Variants in CLUH observed in about 807,000 individuals in gnomAD.
CLUH encodes the protein CLUH binding protein of NUMT mRNA.
CLUH carries 77 observed loss-of-function variants against 139.3 expected under a neutral mutation model. The ratio of observed to expected loss-of-function variants is 0.55; its 90% CI spans 0.46 to 0.67. The LOEUF (loss-of-function observed/expected upper bound fraction) is 0.67. CLUH is among the 30% of genes least tolerant of loss of function. CLUH has a pLI of 0.00. For synonymous variants in CLUH, 999 were observed against 801.6 expected (o/e 1.25, Z -4.16); for missense variants, 1,876 against 1,875.8 (o/e 1.00, Z 0.00).
rs764112822 is a variant in CLUH, at chr17:2,692,853, C to T, written c.3239G>A (p.Ser1080Asn). 6 of 1,597,104 alleles carry T rather than the reference C, an allele frequency of 3.8e-6. No homozygotes were observed. Among genetic ancestry groups the T allele is most frequent in the Middle Eastern group, 1.7e-4 (1 of 5,968 alleles). The stretch of plus-strand genomic sequence containing the variant: ...CATCAGCACCGCCTTCTGCTGGTTA[C>T]TCAGGGCCTGGGGAGAGACAGTGGT... ...YIMGDYAEAL[S>N]NQQKAVLMSE... The change falls in exon 20 of 26, where the codon AGT becomes AAT. Residue 1080 changes from serine (S) to asparagine (N), a missense_variant. Ser to Asn is a conservative substitution (Grantham distance 46). Around this residue, in one of 3 missense-constraint regions of CLUH, gnomAD observed 1,454 missense variants for 1,384.4 expected, o/e 1.05. Transcript: ENST00000651024.
chr17:2,691,542 C>T (rs2069633187), intron 25 of CLUH, 67 bp downstream of exon 25: 1 of 1,503,434 alleles, frequency 6.7e-7, no homozygotes, highest in East Asian at 2.4e-5. Flanking sequence ...GCCCGGGTGA[C>T]AGGGCGAGAC....
rs1036300624 is a variant in CLUH, at chr17:2,696,479, T to C, written c.2245A>G (p.Ser749Gly). 6.3e-7 allele frequency: 1 copy of C among 1,595,546 alleles called. No individual in the cohort carries two copies. The highest frequency in any genetic ancestry group is 8.5e-7 in the Non-Finnish European group (1 of 1,172,858). ...TTGAAGCGAATGTCGAAGGCGGTGCTGCTGATGGAGCCGACCGCCTTGCAC... is the reference window on the plus strand; with the variant it reads ...TTGAAGCGAATGTCGAAGGCGGTGCCGCTGATGGAGCCGACCGCCTTGCAC... Reference protein sequence around the residue: ...NACKAVGSISSTAFDIRFNPD... With the variant: ...NACKAVGSISGTAFDIRFNPD... The change falls in exon 12 of 26, where the codon AGC (serine) becomes GGC (glycine). Residue 749 changes from serine (S) to glycine (G), a missense_variant. This residue lies in a region of CLUH where 1,454 missense variants were observed against 1,384.4 expected (regional missense o/e 1.05). Transcript: ENST00000651024.
At position 2,689,710 on chromosome 17, in the gene CLUH, GGAAGGGAGCTGGGCACCAGA is replaced by G. The variant is rs1206928452; in HGVS notation, c.*864_*883del. The G allele has an allele frequency of 6.5e-6, 1 of 152,860 alleles. No homozygotes were observed. Among genetic ancestry groups the G allele is most frequent in the African/African-American group, 2.4e-5 (1 of 41,440 alleles). 9.5% of individuals were successfully genotyped at this position (152,860 alleles called of 1,614,324 possible). On this transcript the variant is annotated 3_prime_UTR_variant, in exon 26 of 26. Transcript: ENST00000651024. ...CACCCCCAGAGCTAGTCTCAGACCA[GGAAGGGAGCTGGGCACCAGA>G]GAAGCGACATCACGTCGGCACCTGT...
rs750528964 is a variant in CLUH, at chr17:2,697,951, G to T, written c.1906C>A (p.Arg636=). The part of the protein sequence containing the change: ...CARAGFPRAH[R]HKLCCLRQEL... ...TGGCGCAGGCAGCAGAGCTTGTGCCGGTGGGCGCGGGGGAAGCCGGCGCGG... is the reference window on the plus strand; with the variant it reads ...TGGCGCAGGCAGCAGAGCTTGTGCCTGTGGGCGCGGGGGAAGCCGGCGCGG... Residue 636 remains arginine, a synonymous_variant, in exon 10 of 26, where the codon CGG becomes AGG. Coordinates refer to ENST00000651024, the MANE Select transcript of CLUH (RefSeq NM_001366661.1). The T allele has an allele frequency of 6.7e-5, 104 of 1,560,292 alleles. No homozygotes were observed. Among genetic ancestry groups the T allele is most frequent in the Non-Finnish European group, 6.6e-5 (77 of 1,158,050 alleles).
rs2069892709 is a variant in CLUH, at chr17:2,695,290, T to G, written c.2545-10A>C. On this transcript the variant is annotated splice_polypyrimidine_tract_variant and intron_variant, in intron 14 of 25. Coordinates refer to ENST00000651024, the MANE Select transcript of CLUH (RefSeq NM_001366661.1). ...CTCCAATGCCGATTTTCTGGAAGGA[T>G]TCAGAAGGGAGGTCTTGGTCAGGCC... 6.2e-7 allele frequency: 1 copy of G among 1,613,740 alleles called. No homozygotes were observed. The highest frequency in any genetic ancestry group is 8.5e-7 in the Non-Finnish European group (1 of 1,179,812).
chr17:2,690,830 C>A, intron 25 of CLUH, 53 bp from the exon 26 acceptor site: 1 of 1,367,114 alleles, frequency 7.3e-7, no homozygotes, highest in South Asian at 1.7e-5. Flanking sequence ...CTGGGGGCTC[C>A]ACCCGCCTCC....
rs1290612861 is a variant in CLUH, at chr17:2,690,720, C to G, written c.3921G>C (p.Glu1307Asp). ...AEVARRHQLQ[E>D]ASRNRDRAEE... ...CGGCTCTATCCCTGTTTCTGCTGGC[C>G]TCCTGGAGCTGGTGCCGCCGCGCCA... is the stretch of plus-strand genomic sequence containing the variant. Residue 1307 changes from glutamate (E) to aspartate (D), a missense_variant, in exon 26 of 26, where the codon GAG (glutamate) becomes GAC (aspartate). Coordinates refer to ENST00000651024, the MANE Select transcript of CLUH (RefSeq NM_001366661.1). 1 of 1,558,304 alleles carries G rather than the reference C, an allele frequency of 6.4e-7. No individual in the cohort carries two copies. The highest frequency in any genetic ancestry group is 1.4e-5 in the African/African-American group (1 of 70,976).
chr17:2,711,735 C>G lies in CLUH; in HGVS notation c.-74G>C. 1.6e-6 allele frequency: 1 copy of G among 626,278 alleles called. No homozygotes were observed. Among genetic ancestry groups the G allele is most frequent in the Middle Eastern group, 7.8e-4 (1 of 1,288 alleles). 38.8% of individuals were successfully genotyped at this position (626,278 alleles called of 1,614,324 possible). ...CCACTAACCCAAGTGCCCTGCGCGC[C>G]GCGGCTGCTGAGGGAAGGACGGAGT... On this transcript the variant is annotated 5_prime_UTR_variant, in exon 1 of 26. Transcript: ENST00000651024.
chr17:2,708,803 C>T (rs916663866), intron 1 of CLUH, among the ~76,000 whole-genome samples: 22 of 151,336 alleles, frequency 1.5e-4, no homozygotes, highest in Admixed American at 1.1e-3. Flanking sequence ...CCGAGGGGCC[C>T]GGCAGCACCC....
At chr17:2,709,075 C>A (rs1363959632) in intron 1 of CLUH, among the ~76,000 whole-genome samples, 1 of 152,214 alleles carries the variant, frequency 6.6e-6, no homozygotes, top group East Asian at 1.9e-4. Context: ...ACAAAGCACA[C>A]CCTTGCCCCG....
At position 2,696,912 on chromosome 17, in the gene CLUH, C is replaced by T. The variant is rs1267496676; in HGVS notation, c.1992G>A (p.Leu664=). ...RYLLFMKLAA[L]QLMQQNASQL... ...GGCTGGCGTTCTGCTGCATCAGCTG[C>T]AAGGCGGCCAGCTTCATAAAGAGGA... Residue 664 remains leucine, a synonymous_variant, in exon 11 of 26, where the codon TTG becomes TTA. Coordinates refer to ENST00000651024, the MANE Select transcript of CLUH (RefSeq NM_001366661.1). 1 of 1,604,862 alleles carries T rather than the reference C, an allele frequency of 6.2e-7. No individual in the cohort carries two copies. Among genetic ancestry groups the T allele is most frequent in the Admixed American group, 1.7e-5 (1 of 58,654 alleles).
chr17:2,700,241 G>A (rs575872450), intron 9 of CLUH, 141 bp downstream of exon 9: 508 of 698,684 alleles, frequency 7.3e-4, no homozygotes, highest in South Asian at 2.1e-3. Flanking sequence ...CAGACCCTGC[G>A]GGAGACGCTG....
chr17:2,711,587 C>A lies in CLUH; in HGVS notation c.75G>T (p.Gly25=). The change falls in exon 1 of 26, where the codon GGG becomes GGT. Residue 25 remains glycine (G), a synonymous_variant. Coordinates refer to ENST00000651024, the MANE Select transcript of CLUH (RefSeq NM_001366661.1). ...DSAREHGSQA[G]GKGRPGAAEL... is the part of the protein sequence containing the mutation. ...CGGCCGCGCCCGGCCGCCCCTTGCC[C>A]CCGGCCTGCGAGCCGTGTTCCCGGG... is the stretch of plus-strand genomic sequence containing the variant. 2 of 983,674 alleles carry A rather than the reference C, an allele frequency of 2.0e-6. No homozygotes were observed. Among genetic ancestry groups the A allele is most frequent in the Non-Finnish European group, 2.4e-6 (2 of 829,204 alleles). The allele number at this position is 983,674 out of a possible 1,614,324, so 60.9% of individuals were successfully genotyped here.
rs890039557 is a variant in CLUH at position 2,690,282 on chromosome 17, G to A, written c.*312C>T. The A allele has an allele frequency of 5.9e-6, 2 of 338,790 alleles. No individual in the cohort carries two copies. The highest frequency in any genetic ancestry group is 4.9e-5 in the Admixed American group (1 of 20,434). The allele number at this position is 338,790 out of a possible 1,614,324, so 21.0% of individuals were successfully genotyped here. A position where few individuals can be genotyped will look rare whatever the true frequency, so the allele number is the denominator to read the frequency against. ...GAACGGTCAACACTCACAGCCAGGG[G>A]CGCACTCGCACACGCCGGCCGGACG... is the stretch of plus-strand genomic sequence containing the variant. On this transcript the variant is annotated 3_prime_UTR_variant, in exon 26 of 26. Transcript: ENST00000651024.
chr17:2,692,102 C>T lies in CLUH; in HGVS notation c.3561-5G>A. 6.3e-7 allele frequency: 1 copy of T among 1,596,926 alleles called. No individual in the cohort carries two copies. The highest frequency in any genetic ancestry group is 8.5e-7 in the Non-Finnish European group (1 of 1,173,078). ...ACTCGGGCGACAAGGTGGTGGCTGC[C>T]GGGAGGCGCGGCGCGGGGCGAGGGA... is the stretch of plus-strand genomic sequence containing the variant. On this transcript the variant is annotated splice_polypyrimidine_tract_variant and splice_region_variant and intron_variant, in intron 22 of 25. Coordinates refer to ENST00000651024, the MANE Select transcript of CLUH (RefSeq NM_001366661.1).
rs756061842 is a variant in CLUH at position 2,692,539 on chromosome 17, G to T, written c.3438+32C>A. ...CTCCCGGTCCCCTGGGATGGAGCTG[G>T]GTCCCTGCCGCCCCCCCGCCCCAGC... On this transcript the variant is annotated intron_variant, in intron 21 of 25. Coordinates refer to ENST00000651024, the MANE Select transcript of CLUH (RefSeq NM_001366661.1). The T allele has an allele frequency of 5.0e-6, 8 of 1,601,616 alleles. 1 individual carries two copies. The South Asian group carries it at 8.8e-5, about 18-fold the overall frequency.
At position 2,691,897 on chromosome 17, in the gene CLUH, T is replaced by G; in HGVS notation, c.3655-2A>C. The G allele has an allele frequency of 1.3e-6, 2 of 1,529,760 alleles. No homozygotes were observed. Among genetic ancestry groups the G allele is most frequent in the Non-Finnish European group, 1.8e-6 (2 of 1,140,848 alleles). 94.8% of individuals were successfully genotyped at this position (1,529,760 alleles called of 1,614,324 possible). ...GGTCTTCTCATGGTCCTCGCCCAGCTGCGGGGAGGCGGGAAGGGATCAGGC... is the reference window on the plus strand; with the variant it reads ...GGTCTTCTCATGGTCCTCGCCCAGCGGCGGGGAGGCGGGAAGGGATCAGGC... On this transcript the variant is annotated splice_acceptor_variant, in intron 23 of 25. Coordinates refer to ENST00000651024, the MANE Select transcript of CLUH (RefSeq NM_001366661.1). LOFTEE classifies it high-confidence loss of function.
At position 2,707,780 on chromosome 17, in the gene CLUH, A is replaced by T; in HGVS notation, c.101-3216T>A. 1 of 985,282 alleles carries T rather than the reference A, an allele frequency of 1.0e-6. No homozygotes were observed. The highest frequency in any genetic ancestry group is 1.2e-6 in the Non-Finnish European group (1 of 829,886). The allele number at this position is 985,282 out of a possible 1,614,324, so 61.0% of individuals were successfully genotyped here. A position where few individuals can be genotyped will look rare whatever the true frequency, so the allele number is the denominator to read the frequency against. ...TGCCCACCAGTCCCAGACACTGAGC[A>T]CCCCACTGTCCCTGGGCCAAGGGCC... On this transcript the variant is annotated intron_variant, in intron 1 of 25. Transcript: ENST00000651024. The surrounding 1 kb of genome is among the most constrained non-coding windows in gnomAD (Gnocchi z 7.4).
At chr17:2,698,637 G>A in intron 9 of CLUH, 47 bp from the exon 10 acceptor site, 9 of 1,486,044 alleles carry the variant, frequency 6.1e-6, no homozygotes, top group Non-Finnish European at 7.2e-6. Context: ...GCCCACAAGA[G>A]CCTGCATCCA....
Sources: gnomAD v4.1 joint callset for allele counts (sites outside exome capture counted in the v4.1 genomes callset) on GRCh38, gnomAD v4.1.1 for gene constraint, gnomAD v4.1.1 regional missense constraint, Gnocchi (gnomAD v3.1) non-coding constraint, MANE v1.5 for transcripts, NCBI Gene and HGNC (gene_info 2026-07-23, HGNC 2026-07-21) for gene names.